The following CEP89 variants were observed in gnomAD, a reference collection of about 807,000 sequenced individuals.
CEP89 encodes centrosomal protein 89, also known as centrosomal protein of 89 kDa.
In CEP89, 95 loss-of-function variants were observed where a neutral mutation model predicts 97.6. That is an observed-to-expected ratio of 0.97 (90% confidence interval 0.82 to 1.15). The LOEUF is 1.15. Among genes scored for constraint, CEP89 ranks in the 50% most tolerant of loss-of-function variants. The pLI is 0.00. For synonymous variants in CEP89, 354 were observed against 349.1 expected (o/e 1.01, Z -0.16); for missense variants, 869 against 947.7 (o/e 0.92, Z 1.09).
intron 3 of CEP89, among the ~76,000 whole-genome samples, chr19:32,958,275 T>C (rs796975278): frequency 9.9e-5 from 15 of 152,234 alleles, no homozygotes; most frequent in African/African-American, 3.1e-4. Flanking sequence ...ATTAAGTATT[T>C]ATATAATACT....
chr19:32,953,228 C>T (rs947226734), intron 4 of CEP89, among the ~76,000 whole-genome samples: 34 of 150,916 alleles, frequency 2.3e-4, no homozygotes, highest in African/African-American at 7.5e-4. Context: ...ACTCAAAGCA[C>T]GTCAGCTCCC....
intron 17 of CEP89, among the ~76,000 whole-genome samples, chr19:32,885,444 C>A (rs2145869854): frequency 6.6e-6 from 1 of 152,316 alleles, no homozygotes; most frequent in African/African-American, 2.4e-5. Context: ...CCTCAGCCTC[C>A]CGAGTAGCTG....
chr19:32,881,985 A>G lies in CEP89; in HGVS notation c.1994T>C (p.Leu665Pro). 6.3e-7 allele frequency: 1 copy of G among 1,582,546 alleles called. No homozygotes were observed. The highest frequency in any genetic ancestry group is 8.6e-7 in the Non-Finnish European group (1 of 1,164,264). ...CAGCAGACGGTGACTGATGTCCCCC[A>G]GCTTCAGTGCTGCCTGCTTCTTGTA... ...KGYKKQAALK[L>P]GDISHRLLEQ... The change falls in exon 18 of 19, where the codon CTG (leucine) becomes CCG (proline). Residue 665 changes from leucine to proline, a missense_variant. Transcript: ENST00000305768.
intron 4 of CEP89, 108 bp downstream of exon 4, chr19:32,953,507 T>C (rs570220968): frequency 2.2e-4 from 186 of 837,742 alleles, no homozygotes; most frequent in Admixed American, 1.3e-3. Flanking sequence ...CCAAAGCAAA[T>C]GCTATCAAAT....
Position 32,899,882 on chromosome 19 carries a change from T to G in CEP89, c.1850A>C (p.Gln617Pro). ...CAAACACATAAGACTGTCACGTTCC[T>G]GGGTTATGTTTTCTGCCAGGCCAAC... ...NLVGLAENIT[Q>P]ERDSLMCLAK... The change falls in exon 16 of 19, where the codon CAG becomes CCG. Residue 617 changes from glutamine (Q) to proline (P), a missense_variant. Coordinates refer to ENST00000305768, the MANE Select transcript of CEP89 (RefSeq NM_032816.5). The G allele has an allele frequency of 6.2e-7, 1 of 1,614,022 alleles. No individual in the cohort carries two copies. Among genetic ancestry groups the G allele is most frequent in the Non-Finnish European group, 8.5e-7 (1 of 1,179,900 alleles).
At chr19:32,947,917 C>T (rs1970829763) in intron 5 of CEP89, among the ~76,000 whole-genome samples, 1 of 152,180 alleles carries the variant, frequency 6.6e-6, no homozygotes, top group African/African-American at 2.4e-5. Context: ...CCTCCCACCT[C>T]GCCCTTCTGA....
chr19:32,970,157 T>A (rs1021781552), intron 1 of CEP89: 1 of 152,314 alleles, frequency 6.6e-6, no homozygotes, highest in African/African-American at 2.4e-5. Flanking sequence ...GCACCCAGAA[T>A]TCTTTCCTTA....
chr19:32,926,095 G>A, intron 11 of CEP89, 95 bp downstream of exon 11: 1 of 866,782 alleles, frequency 1.2e-6, no homozygotes, highest in South Asian at 1.4e-5. Context: ...TCTATAATAT[G>A]CTGGGTATAC....
At chr19:32,915,606 A>G in intron 13 of CEP89, 89 bp from the exon 14 acceptor site, 1 of 1,174,942 alleles carries the variant, frequency 8.5e-7, no homozygotes, top group Admixed American at 2.6e-5. Context: ...AATGAGAGTC[A>G]GCTGATAAAA....
chr19:32,893,436 G>T (rs1318424185), intron 16 of CEP89, among the ~76,000 whole-genome samples: 1 of 152,090 alleles, frequency 6.6e-6, no homozygotes, highest in African/African-American at 2.4e-5. Context: ...AATAATAGTT[G>T]GGGACTTCAA....
rs1306710257 is a variant in CEP89 at position 32,876,065 on chromosome 19, A to T, written c.*3097T>A. ...CACCCACATGCACACCTGGTGCCCC[A>T]GCCTGCTTTGTCCACTGTCTCCATT... On this transcript the variant is annotated 3_prime_UTR_variant, in exon 19 of 19. Coordinates refer to ENST00000305768, the MANE Select transcript of CEP89 (RefSeq NM_032816.5). 2 of 152,584 alleles carry T rather than the reference A, an allele frequency of 1.3e-5. No individual in the cohort carries two copies. Among genetic ancestry groups the T allele is most frequent in the East Asian group, 3.9e-4 (2 of 5,178 alleles). The allele number at this position is 152,584 out of a possible 1,614,324, so 9.5% of individuals were successfully genotyped here.
chr19:32,967,031 T>TA, intron 1 of CEP89, among the ~76,000 whole-genome samples: 1 of 152,226 alleles, frequency 6.6e-6, no homozygotes, highest in Non-Finnish European at 1.5e-5. Flanking sequence ...CTCACTACAT[T>TA]GCCCAGACTG....
chr19:32,937,730 G>A (rs1218565161), intron 6 of CEP89, 57 bp from the exon 7 acceptor site: 3 of 1,246,670 alleles, frequency 2.4e-6, no homozygotes, highest in African/African-American at 3.0e-5. Context: ...TTTATAAAGT[G>A]GACACACGCA....
At chr19:32,923,340 A>C in intron 12 of CEP89, 99 bp downstream of exon 12, 1 of 588,358 alleles carries the variant, frequency 1.7e-6, no homozygotes, top group South Asian at 2.7e-5. Flanking sequence ...AAAATATTTT[A>C]GTTAAGAATG....
rs1427769989 is a variant in CEP89 at position 32,931,471 on chromosome 19, G to A, written c.987C>T (p.Leu329=). ...KMTVHRLNVE[L]SRYQTKFRHL... ...GCCTGAATTTTGTCTGATATCGACT[G>A]AGTTCTACATTCAAACGATGGACAG... Residue 329 remains leucine, a synonymous_variant, in exon 9 of 19, where the codon CTC becomes CTT. Transcript: ENST00000305768. The A allele has an allele frequency of 6.3e-7, 1 of 1,592,584 alleles. No homozygotes were observed. The highest frequency in any genetic ancestry group is 1.9e-5 in the Admixed American group (1 of 53,042).
chr19:32,940,847 G>A (rs937640384), intron 5 of CEP89, among the ~76,000 whole-genome samples: 9 of 146,234 alleles, frequency 6.2e-5, no homozygotes, highest in African/African-American at 1.5e-4. Context: ...TGCACCCTCC[G>A]CCTCCCAGGT....
intron 16 of CEP89, among the ~76,000 whole-genome samples, chr19:32,892,356 T>G (rs999669834): frequency 6.6e-6 from 1 of 150,848 alleles, no homozygotes; most frequent in African/African-American, 2.4e-5. Flanking sequence ...CAGGCTGGAG[T>G]GCAGTGGCAC....
intron 2 of CEP89, among the ~76,000 whole-genome samples, chr19:32,963,042 A>G (rs1274360891): frequency 6.6e-6 from 1 of 152,184 alleles, no homozygotes; most frequent in Non-Finnish European, 1.5e-5. Flanking sequence ...AAAATGCTCA[A>G]TACCATTAGC....
chr19:32,967,368 G>A (rs995746853), intron 1 of CEP89, among the ~76,000 whole-genome samples: 2 of 152,118 alleles, frequency 1.3e-5, no homozygotes, highest in African/African-American at 4.8e-5. Flanking sequence ...ACACCTACTA[G>A]AGGCAAAACA....
Sources: allele counts gnomAD v4.1 joint callset (sites outside exome capture counted in the v4.1 genomes callset), GRCh38; gene constraint gnomAD v4.1.1; transcripts MANE v1.5; gene names NCBI Gene and HGNC (gene_info 2026-07-23, HGNC 2026-07-21).